The following AKR1A1 variants were observed in gnomAD, a reference collection of about 807,000 sequenced individuals.
AKR1A1 encodes the protein aldo-keto reductase family 1 member A1, also known as HEL-S-165mP.
A neutral mutation model predicts 39.2 loss-of-function variants in AKR1A1; 26 were observed. That is an observed-to-expected ratio of 0.66 (90% CI 0.49 to 0.92). AKR1A1 has a LOEUF of 0.92. Ranked by LOEUF, AKR1A1 falls within the 40% of genes least tolerant of loss-of-function variation. The pLI is 0.00. For missense variants in AKR1A1, 378 were observed against 406.5 expected (o/e 0.93, Z 0.60); for synonymous variants, 141 against 155.5 (o/e 0.91, Z 0.69).
intron 4 of AKR1A1, 142 bp from the exon 5 acceptor site, chr1:45,567,840 A>AAG: frequency 1.2e-6 from 1 of 808,168 alleles, no homozygotes; most frequent in Non-Finnish European, 1.9e-6. Context: ...AAAAAAAAAA[A>AAG]AGAAAAAGCA....
At position 45,555,360 on chromosome 1, in the gene AKR1A1, G is replaced by A. The variant is rs141340951; in HGVS notation, c.-7+4205G>A. 5.6e-4 allele frequency among the ~76,000 whole-genome samples: 86 copies of A among 152,228 alleles called. No homozygotes were observed. The East Asian group carries it at 0.013, about 24-fold the overall frequency. ...AAATTAGCCAGGCGTGGTGGCGCAT[G>A]CCTGTAATCCCAGCTACTCGGGAGT... On this transcript the variant is annotated intron_variant, in intron 1 of 8. Transcript: ENST00000351829.
chr1:45,557,831 T>G (rs745369835), intron 1 of AKR1A1, among the ~76,000 whole-genome samples: 7 of 152,068 alleles, frequency 4.6e-5, no homozygotes, highest in Non-Finnish European at 1.0e-4. Context: ...AAAACCAACT[T>G]AAACTAGACT....
intron 2 of AKR1A1, among the ~76,000 whole-genome samples, chr1:45,563,260 C>T (rs181606782): frequency 1.1e-4 from 16 of 151,368 alleles, no homozygotes; most frequent in African/African-American, 2.4e-4. Flanking sequence ...ATTAGCCAGG[C>T]GTGGTGGCAC....
At chr1:45,556,881 C>G (rs1644212188) in intron 1 of AKR1A1, among the ~76,000 whole-genome samples, 1 of 146,994 alleles carries the variant, frequency 6.8e-6, no homozygotes, top group South Asian at 2.2e-4. Context: ...CCATCTCAAA[C>G]AAAATAAATA....
Position 45,561,881 on chromosome 1 carries a change from G to T in AKR1A1, c.84+3G>T. On this transcript the variant is annotated splice_donor_region_variant and intron_variant, in intron 2 of 8. Transcript: ENST00000351829. ...CCTGGAAGAGTGAGCCTGGTCAGGT[G>T]AGGGATGGGGGAAGAAAAAAGAAAC... 6.2e-7 allele frequency: 1 copy of T among 1,614,022 alleles called. No homozygotes were observed. The highest frequency in any genetic ancestry group is 8.5e-7 in the Non-Finnish European group (1 of 1,179,914).
chr1:45,566,446 C>T, intron 2 of AKR1A1, 123 bp from the exon 3 acceptor site: 1 of 1,416,478 alleles, frequency 7.1e-7, no homozygotes, highest in East Asian at 2.3e-5. Flanking sequence ...ATCTTTTCAC[C>T]TCCACTGCAT....
intron 1 of AKR1A1, among the ~76,000 whole-genome samples, chr1:45,559,634 C>CTTTTTT (rs71056306): frequency 2.6e-4 from 19 of 73,148 alleles, no homozygotes; most frequent in Non-Finnish European, 3.3e-4. Context: ...CTTTTCTTTT[C>CTTTTTT]TTTTTTTTTT....
In AKR1A1 at chr1:45,569,982, C is replaced by A; in HGVS notation, c.*26C>A. ...GACCACAGCTTCTTGGCCTCCCTTC[C>A]AGCTCTGCAGCTAATGAGGTCCTGC... On this transcript the variant is annotated 3_prime_UTR_variant, in exon 9 of 9. Coordinates refer to ENST00000351829, the MANE Select transcript of AKR1A1 (RefSeq NM_153326.3). 5 of 1,603,664 alleles carry A rather than the reference C, an allele frequency of 3.1e-6. No individual in the cohort carries two copies. Among genetic ancestry groups the A allele is most frequent in the Non-Finnish European group, 4.3e-6 (5 of 1,170,526 alleles).
rs997133291 is a variant in AKR1A1, at chr1:45,569,205, G to C, written c.888G>C (p.Trp296Cys). The change falls in exon 8 of 9, where the codon TGG (tryptophan) becomes TGC (cysteine). Residue 296 changes from tryptophan (W) to cysteine (C), a missense_variant. Coordinates refer to ENST00000351829, the MANE Select transcript of AKR1A1 (RefSeq NM_153326.3). ...AGCTAAATGCCCTGAACAAAAATTG[G>C]AGATATATTGTGCCTATGCTTACGG... ...MKQLNALNKNWRYIVPMLTVD... is the reference protein window; with the variant it reads ...MKQLNALNKNCRYIVPMLTVD... 1 of 1,613,966 alleles carries C rather than the reference G, an allele frequency of 6.2e-7. No homozygotes were observed. The highest frequency in any genetic ancestry group is 1.3e-5 in the African/African-American group (1 of 74,920).
At chr1:45,554,729 G>A (rs900293417) in intron 1 of AKR1A1, among the ~76,000 whole-genome samples, 15 of 152,088 alleles carry the variant, frequency 9.9e-5, no homozygotes, top group African/African-American at 3.6e-4. Context: ...TTCAGTCTGT[G>A]GCCCAAGCTG....
chr1:45,554,170 T>C (rs543689897), intron 1 of AKR1A1, among the ~76,000 whole-genome samples: 3 of 152,218 alleles, frequency 2.0e-5, no homozygotes, highest in South Asian at 2.1e-4. Context: ...CTCACACTTA[T>C]AATCCCAGCA....
At chr1:45,568,810 A>T in intron 6 of AKR1A1, 117 bp from the exon 7 acceptor site, 1 of 1,517,494 alleles carries the variant, frequency 6.6e-7, no homozygotes, top group Non-Finnish European at 9.1e-7. Context: ...CTGTAGGCAT[A>T]TTTCCCATTT....
chr1:45,569,061 A>T, intron 7 of AKR1A1, 62 bp downstream of exon 7: 1 of 1,606,844 alleles, frequency 6.2e-7, no homozygotes, highest in Admixed American at 1.7e-5. Context: ...CCCTGACTCT[A>T]CCTGGCTAAA....
rs2229540 is a variant in AKR1A1 at position 45,566,639 on chromosome 1, A to C, written c.155A>C (p.Asn52Thr). The C allele has an allele frequency of 6.8e-6, 11 of 1,614,224 alleles. No homozygotes were observed. The highest frequency in any genetic ancestry group is 9.3e-6 in the Non-Finnish European group (11 of 1,180,036). ...RHIDCAAIYG[N>T]EPEIGEALKE... ...ATTGATTGTGCTGCTATCTACGGCA[A>C]TGAGCCTGAGATTGGGGAGGCCCTG... Residue 52 changes from asparagine (N) to threonine (T), a missense_variant, in exon 3 of 9, where the codon AAT becomes ACT. Transcript: ENST00000351829.
intron 1 of AKR1A1, among the ~76,000 whole-genome samples, chr1:45,560,601 C>A (rs1414414491): frequency 2.6e-5 from 4 of 152,192 alleles, no homozygotes; most frequent in African/African-American, 4.8e-5. Flanking sequence ...CAGAACCAGA[C>A]CCTGAGTCTA....
At position 45,568,579 on chromosome 1, in the gene AKR1A1, C is replaced by G. The variant is rs1307688877; in HGVS notation, c.647C>G (p.Ser216Cys). The G allele has an allele frequency of 3.7e-6, 6 of 1,613,988 alleles. No individual in the cohort carries two copies. Among genetic ancestry groups the G allele is most frequent in the Non-Finnish European group, 5.1e-6 (6 of 1,179,956 alleles). Residue 216 changes from serine to cysteine, a missense_variant, in exon 6 of 9, where the codon TCT (serine) becomes TGT (cysteine). By Grantham distance (112) the Ser-to-Cys change is moderately radical. Transcript: ENST00000351829. ...ACTGCTTATAGCCCTTTGGGCTCCT[C>G]TGATCGTGCATGGCGTGATCCTGAT... ...EVTAYSPLGSSDRAWRDPDEP... is the reference protein window; with the variant it reads ...EVTAYSPLGSCDRAWRDPDEP...
chr1:45,564,430 C>T (rs900260636), intron 2 of AKR1A1, among the ~76,000 whole-genome samples: 2 of 152,136 alleles, frequency 1.3e-5, no homozygotes, highest in African/African-American at 2.4e-5. Context: ...CTGCTGATGC[C>T]GTGTTTCCAG....
intron 7 of AKR1A1, 33 bp downstream of exon 7, chr1:45,569,032 CT>C: frequency 6.2e-7 from 1 of 1,611,326 alleles, no homozygotes; most frequent in Non-Finnish European, 8.5e-7. Flanking sequence ...TTCTTTAGCT[CT>C]TTGGGACATT....
chr1:45,564,353 CTA>C (rs1272178331), intron 2 of AKR1A1, among the ~76,000 whole-genome samples: 1 of 152,134 alleles, frequency 6.6e-6, no homozygotes, highest in African/African-American at 2.4e-5. Context: ...ATCTTGAATA[CTA>C]TGTCAGGCAC....
Sources: allele counts gnomAD v4.1 joint callset (sites outside exome capture counted in the v4.1 genomes callset), GRCh38; gene constraint gnomAD v4.1.1; transcripts MANE v1.5; gene names NCBI Gene and HGNC (gene_info 2026-07-23, HGNC 2026-07-21).